The following CRYBG3 variants were observed in gnomAD, a reference collection of about 807,000 sequenced individuals.
The protein encoded by CRYBG3 is very large A-kinase anchor protein.
A neutral mutation model predicts 244.2 loss-of-function variants in CRYBG3; 127 were observed. The observed-to-expected ratio is 0.52, with a 90% confidence interval of 0.45 to 0.60. The LOEUF is 0.60. Among genes scored for constraint, CRYBG3 ranks in the 20% least tolerant of loss-of-function variants. The pLI is 0.00. For missense variants in CRYBG3, 3,325 were observed against 3,442.5 expected, an observed-to-expected ratio of 0.97 and a Z score of 0.85; for synonymous variants, 1,132 against 1,195.8, an observed-to-expected ratio of 0.95 and a Z score of 1.10.
intron 2 of CRYBG3, among the ~76,000 whole-genome samples, chr3:97,863,172 G>A (rs1036807055): frequency 1.3e-5 from 2 of 152,140 alleles, no homozygotes; most frequent in Non-Finnish European, 2.9e-5. Context: ...ACTCACACTT[G>A]AGCTTTCCTT....
Position 97,942,500 on chromosome 3 carries a change from TCTC to T in CRYBG3, c.8824+61_8824+63del, listed in dbSNP as rs1231179130. 17 of 1,455,992 alleles carry T rather than the reference TCTC, an allele frequency of 1.2e-5. No individual in the cohort carries two copies. In the East Asian group the frequency reaches 2.4e-4, roughly 20 times the overall value. 90.2% of individuals were successfully genotyped at this position (1,455,992 alleles called of 1,614,324 possible). A position where few individuals can be genotyped will look rare whatever the true frequency, so the allele number is the denominator to read the frequency against. ...CCTGGATATTAGTTTCAGTTCCAAA[TCTC>T]CTCATTTTGGGTAAAGGACATCCTT... On this transcript the variant is annotated intron_variant, in intron 21 of 21. Coordinates refer to ENST00000389622, the MANE Select transcript of CRYBG3 (RefSeq NM_153605.4).
intron 1 of CRYBG3, among the ~76,000 whole-genome samples, chr3:97,841,157 AT>A (rs1179613667): frequency 1.3e-5 from 2 of 151,214 alleles, no homozygotes; most frequent in African/African-American, 4.9e-5. Flanking sequence ...GTCCCACAGA[AT>A]TTTTTATGTG....
At chr3:97,883,311 T>G (rs2039471649) in intron 7 of CRYBG3, among the ~76,000 whole-genome samples, 1 of 152,194 alleles carries the variant, frequency 6.6e-6, no homozygotes, top group Non-Finnish European at 1.5e-5. Context: ...GAGTGCTCAC[T>G]CTATTAACTC....
intron 2 of CRYBG3, among the ~76,000 whole-genome samples, chr3:97,848,620 A>G (rs1221706898): frequency 6.6e-6 from 1 of 152,108 alleles, no homozygotes; most frequent in East Asian, 1.9e-4. Context: ...TCTAACAGAC[A>G]GGTCTTGCTA....
At chr3:97,890,620 C>T (rs2039564970) in intron 10 of CRYBG3, among the ~76,000 whole-genome samples, 1 of 152,174 alleles carries the variant, frequency 6.6e-6, no homozygotes. Context: ...ATATAGTACC[C>T]TGTGCAAACC....
Position 97,876,909 on chromosome 3 carries a change from A to G in CRYBG3, c.5715A>G (p.Glu1905=). ...AAGAGTATGCTGAAGGGAGTGTTGA[A>G]GAAACAAAGGAAGAGCCTACAGAAA... ...TPQEYAEGSV[E]ETKEEPTEIK... Residue 1905 remains glutamate (E), a synonymous_variant, in exon 4 of 22, where the codon GAA becomes GAG. Coordinates refer to ENST00000389622, the MANE Select transcript of CRYBG3 (RefSeq NM_153605.4). 6.9e-7 allele frequency: 1 copy of G among 1,450,602 alleles called. No individual in the cohort carries two copies. 89.9% of individuals were successfully genotyped at this position (1,450,602 alleles called of 1,614,324 possible).
chr3:97,944,806 T>G lies in CRYBG3; in HGVS notation c.*1492T>G, dbSNP rs2040315428. 6.4e-6 allele frequency: 1 copy of G among 156,676 alleles called. No homozygotes were observed. The highest frequency in any genetic ancestry group is 1.4e-5 in the Non-Finnish European group (1 of 70,944). The allele number at this position is 156,676 out of a possible 1,614,324, so 9.7% of individuals were successfully genotyped here. A position where few individuals can be genotyped will look rare whatever the true frequency, so the allele number is the denominator to read the frequency against. On this transcript the variant is annotated 3_prime_UTR_variant, in exon 22 of 22. Transcript: ENST00000389622. ...TAAAAAACCAGTTTAAAATTTTTTC[T>G]TATTTTAATTGTTTGAAATTTTTCT...
chr3:97,827,807 A>G (rs1049572848), intron 1 of CRYBG3, among the ~76,000 whole-genome samples: 1 of 152,224 alleles, frequency 6.6e-6, no homozygotes, highest in African/African-American at 2.4e-5. Flanking sequence ...TATTGGTAGT[A>G]GAGTCAAGAG....
rs1430515961 is a variant in CRYBG3 at position 97,881,161 on chromosome 3, A to C, written c.7094A>C (p.Gln2365Pro). The change falls in exon 7 of 22, where the codon CAG becomes CCG. Residue 2365 changes from glutamine (Q) to proline (P), a missense_variant. By Grantham distance (76) the Gln-to-Pro change is moderately conservative. Transcript: ENST00000389622. ...GTGTTAAATCGTGACTGGATTCTTC[A>C]GAACAGAAGGCATCCACAAAGAAAC... ...EKVLNRDWIL[Q>P]NRRHPQRNFI... is the part of the protein sequence containing the mutation. 6.2e-7 allele frequency: 1 copy of C among 1,611,802 alleles called. No homozygotes were observed. The highest frequency in any genetic ancestry group is 2.2e-5 in the East Asian group (1 of 44,742).
chr3:97,901,445 T>C (rs1037873480), intron 15 of CRYBG3, among the ~76,000 whole-genome samples: 1 of 152,206 alleles, frequency 6.6e-6, no homozygotes, highest in African/African-American at 2.4e-5. Flanking sequence ...TCAGACCAGC[T>C]TAGTTTTACC....
intron 1 of CRYBG3, among the ~76,000 whole-genome samples, chr3:97,833,549 C>G (rs553334940): frequency 1.3e-5 from 2 of 152,144 alleles, no homozygotes; most frequent in South Asian, 4.2e-4. Flanking sequence ...ACATCACACA[C>G]TAGAGCCTGT....
At chr3:97,902,457 G>GTTTTA (rs1160452910) in intron 15 of CRYBG3, among the ~76,000 whole-genome samples, 1 of 151,156 alleles carries the variant, frequency 6.6e-6, no homozygotes, top group Non-Finnish European at 1.5e-5. Context: ...GATTAGGAAA[G>GTTTTA]TTTTATTTTA....
rs373586561 is a variant in CRYBG3 at position 97,912,272 on chromosome 3, G to A, written c.8110G>A (p.Gly2704Ser). Residue 2704 changes from glycine (G) to serine (S), a missense_variant, in exon 16 of 22, where the codon GGT (glycine) becomes AGT (serine). Around this residue, in one of 4 missense-constraint regions of CRYBG3, gnomAD observed 714 missense variants for 803.6 expected, o/e 0.89. Transcript: ENST00000389622. ...LMPCSFKVLR[G>S]CWLLYYQEDM... is the part of the protein sequence containing the mutation. Reference sequence around the variant, plus strand: ...GCCATGTTCTTTTAAAGTTCTTCGAGGTTGGTAAGTATGCTTACTTAGTGG... The same window carrying A: ...GCCATGTTCTTTTAAAGTTCTTCGAAGTTGGTAAGTATGCTTACTTAGTGG... 2.6e-6 allele frequency: 4 copies of A among 1,562,892 alleles called. No homozygotes were observed.
intron 2 of CRYBG3, among the ~76,000 whole-genome samples, chr3:97,852,799 G>A (rs895077357): frequency 6.6e-6 from 1 of 152,100 alleles, no homozygotes; most frequent in Non-Finnish European, 1.5e-5. Context: ...CACCAACAGT[G>A]TATAACAGTT....
intron 19 of CRYBG3, 121 bp from the exon 20 acceptor site, chr3:97,941,027 G>T: frequency 1.4e-6 from 1 of 729,976 alleles, no homozygotes; most frequent in Non-Finnish European, 2.2e-6. Context: ...AAGGGAATAA[G>T]AGTGAAACTG....
intron 1 of CRYBG3, among the ~76,000 whole-genome samples, chr3:97,833,186 C>T (rs2038678306): frequency 6.6e-6 from 1 of 152,074 alleles, no homozygotes; most frequent in African/African-American, 2.4e-5. Context: ...CTGGAAATAC[C>T]ATTTGACCCA....
chr3:97,886,742 G>T lies in CRYBG3; in HGVS notation c.7264G>T (p.Val2422Leu). The T allele has an allele frequency of 6.2e-7, 1 of 1,608,954 alleles. No homozygotes were observed. Among genetic ancestry groups the T allele is most frequent in the Non-Finnish European group, 8.5e-7 (1 of 1,178,114 alleles). The change falls in exon 8 of 22, where the codon GTG (valine) becomes TTG (leucine). Residue 2422 changes from valine (V) to leucine (L), a missense_variant. This residue lies in a region of CRYBG3 where 714 missense variants were observed against 803.6 expected (regional missense o/e 0.89). Coordinates refer to ENST00000389622, the MANE Select transcript of CRYBG3 (RefSeq NM_153605.4). ...GGAAGAACTGAATATCTCCAAATCTGTGTCCTTCACTGTGAAGTCAGGAGT... is the reference window on the plus strand; with the variant it reads ...GGAAGAACTGAATATCTCCAAATCTTTGTCCTTCACTGTGAAGTCAGGAGT... Reference protein sequence around the residue: ...NLEELNISKSVSFTVKSGVWL... With the variant: ...NLEELNISKSLSFTVKSGVWL...
At chr3:97,823,993 C>T (rs1303138332) in intron 1 of CRYBG3, among the ~76,000 whole-genome samples, 1 of 152,240 alleles carries the variant, frequency 6.6e-6, no homozygotes, top group East Asian at 1.9e-4. Context: ...CAAATTATGG[C>T]TTTTCAACGA....
chr3:97,879,946 A>C (rs1211233687), intron 5 of CRYBG3, 39 bp from the exon 6 acceptor site: 3 of 1,087,496 alleles, frequency 2.8e-6, no homozygotes, highest in Admixed American at 4.0e-5. Flanking sequence ...TCTAAAAATT[A>C]GTTATTGTAA....
Sources: allele counts gnomAD v4.1 joint callset (sites outside exome capture counted in the v4.1 genomes callset), GRCh38; gene constraint gnomAD v4.1.1; regional missense constraint gnomAD v4.1.1; transcripts MANE v1.5; gene names NCBI Gene and HGNC (gene_info 2026-07-23, HGNC 2026-07-21).